Variants in DAB2IP observed in about 807,000 individuals in gnomAD.
DAB2IP encodes disabled homolog 2-interacting protein.
A neutral mutation model predicts 107.2 loss-of-function variants in DAB2IP; 28 were observed. The observed-to-expected ratio is 0.26, with a 90% confidence interval of 0.19 to 0.36. The LOEUF is 0.36. Among genes scored for constraint, DAB2IP ranks in the 10% least tolerant of loss-of-function variants. DAB2IP has a pLI of 1.00. For missense variants in DAB2IP, 1,400 were observed against 1,644.7 expected, an observed-to-expected ratio of 0.85 and a Z score of 2.57; for synonymous variants, 755 against 706.4, an observed-to-expected ratio of 1.07 and a Z score of -1.09.
intron 1 of DAB2IP, among the ~76,000 whole-genome samples, chr9:121,637,962 G>A (rs1015707064): frequency 2.0e-5 from 3 of 152,084 alleles, no homozygotes; most frequent in Non-Finnish European, 2.9e-5. Context: ...GGGTCCGAGG[G>A]GCTCTGATGT....
At chr9:121,692,014 G>A (rs963626277) in intron 2 of DAB2IP, among the ~76,000 whole-genome samples, 1 of 152,340 alleles carries the variant, frequency 6.6e-6, no homozygotes, top group Non-Finnish European at 1.5e-5. Context: ...TGCGAGAAAA[G>A]CAGGGGGAGT....
intron 1 of DAB2IP, among the ~76,000 whole-genome samples, chr9:121,659,091 T>C (rs1833089018): frequency 1.3e-5 from 2 of 152,206 alleles, no homozygotes; most frequent in Non-Finnish European, 2.9e-5. Flanking sequence ...AGGGAGATGT[T>C]GGGGCCATGA....
At chr9:121,678,716 C>T in exon 2 of DAB2IP, 3 of 1,595,728 alleles carry the variant, frequency 1.9e-6, no homozygotes, top group Non-Finnish European at 2.6e-6. Context: ...GCGCAGCCTG[C>T]CTGGCAGCCT....
intron 3 of DAB2IP, among the ~76,000 whole-genome samples, chr9:121,723,662 G>A (rs969909774): frequency 6.6e-6 from 1 of 152,244 alleles, no homozygotes; most frequent in African/African-American, 2.4e-5. Flanking sequence ...TGACATCTGT[G>A]CAATGCAGAC....
At chr9:121,574,811 G>A (rs1338353787) in intron 1 of DAB2IP, 1 of 152,206 alleles carries the variant, frequency 6.6e-6, no homozygotes, top group Non-Finnish European at 1.5e-5. Context: ...CCATGCGGGG[G>A]GCTTCTGAAC....
exon 6 of DAB2IP, chr9:121,759,922 G>C (rs572099548): frequency 6.2e-7 from 1 of 1,614,038 alleles, no homozygotes; most frequent in East Asian, 2.2e-5. Flanking sequence ...CTGAAGCTGT[G>C]GGTGATCGAG....
At chr9:121,641,234 G>A (rs866053709) in intron 1 of DAB2IP, among the ~76,000 whole-genome samples, 22 of 152,334 alleles carry the variant, frequency 1.4e-4, no homozygotes, top group Admixed American at 5.2e-4. Flanking sequence ...CTCTTCCCAG[G>A]ATGGGGGCAG....
intron 1 of DAB2IP, among the ~76,000 whole-genome samples, chr9:121,593,649 TTTTTTTC>T (rs1039785220): frequency 4.1e-5 from 6 of 145,390 alleles, no homozygotes; most frequent in Admixed American, 3.6e-4. Flanking sequence ...TTCTTTTTCT[TTTTTTTC>T]TTTTTTCTTT....
At position 121,772,938 on chromosome 9, in the gene DAB2IP, G is replaced by A; in HGVS notation, c.2410G>A (p.Gly804Ser). Residue 804 changes from glycine to serine, a missense_variant, in exon 12 of 16, where the codon GGC becomes AGC. Around this residue, in one of 3 missense-constraint regions of DAB2IP, gnomAD observed 600 missense variants for 659.1 expected, o/e 0.91. Transcript: ENST00000408936. This position sits in a 1 kb window ranked among gnomAD's most constrained non-coding sequence, Gnocchi z 4.7. Reference sequence around the variant, plus strand: ...AGGGCTGGCCACGGTGCGGCGGGCAGGCCAGACACCAACCACACCAGGCAC... The same window carrying A: ...AGGGCTGGCCACGGTGCGGCGGGCAAGCCAGACACCAACCACACCAGGCAC... The A allele has an allele frequency of 1.3e-6, 2 of 1,565,106 alleles. No homozygotes were observed. The highest frequency in any genetic ancestry group is 1.7e-6 in the Non-Finnish European group (2 of 1,159,296).
In DAB2IP at chr9:121,635,196, G is replaced by C. The variant is rs1034220760; in HGVS notation, c.41-43482G>C. ...GGTGGAGAAAGAGAGCCGTGTGTGG[G>C]GTCAAGGAGACCCTGGGGCTGTTCA... On this transcript the variant is annotated intron_variant, in intron 1 of 16. Coordinates refer to the DAB2IP transcript ENST00000259371. The surrounding 1 kb of genome is among the most constrained non-coding windows in gnomAD (Gnocchi z 4.3). Among the ~76,000 whole-genome samples the C allele has an allele frequency of 6.6e-6, 1 of 152,108 alleles. No individual in the cohort carries two copies. The highest frequency in any genetic ancestry group is 6.5e-5 in the Admixed American group (1 of 15,272).
chr9:121,616,696 G>A (rs1000232933), intron 1 of DAB2IP, among the ~76,000 whole-genome samples: 4 of 152,226 alleles, frequency 2.6e-5, no homozygotes, highest in African/African-American at 9.6e-5. Context: ...AGGTCTGATG[G>A]GCTTGATCAC....
intron 1 of DAB2IP, among the ~76,000 whole-genome samples, chr9:121,601,127 G>C (rs1830673275): frequency 6.6e-6 from 1 of 152,188 alleles, no homozygotes; most frequent in Non-Finnish European, 1.5e-5. Context: ...GAATGTACAA[G>C]GCTTCTGTCT....
chr9:121,740,646 C>T (rs1301031699), intron 3 of DAB2IP, among the ~76,000 whole-genome samples: 1 of 152,172 alleles, frequency 6.6e-6, no homozygotes, highest in Non-Finnish European at 1.5e-5. Context: ...GGGGAGGGTT[C>T]AGAATGCATC....
Position 121,705,805 on chromosome 9 carries a change from C to T in DAB2IP, c.362+6347C>T, listed in dbSNP as rs75479111. 8.5e-3 allele frequency among the ~76,000 whole-genome samples: 1,288 copies of T among 152,330 alleles called. 20 individuals are homozygous for T. Among genetic ancestry groups the T allele is most frequent in the African/African-American group, 0.029 (1,204 of 41,572 alleles). ...CCATGGGACTGCTTTCATTCTCCTC[C>T]AGGTAGCCCTGCCTATTTCCAGGCC... On this transcript the variant is annotated intron_variant, in intron 3 of 15. Coordinates refer to ENST00000408936, the Ensembl canonical transcript of DAB2IP.
At chr9:121,700,281 G>C (rs922755029) in intron 3 of DAB2IP, among the ~76,000 whole-genome samples, 1 of 151,912 alleles carries the variant, frequency 6.6e-6, no homozygotes, top group African/African-American at 2.4e-5. Flanking sequence ...CCAGGGAGCA[G>C]GCTTCAGCTC....
At chr9:121,653,592 C>A (rs948645539) in intron 1 of DAB2IP, among the ~76,000 whole-genome samples, 1 of 152,132 alleles carries the variant, frequency 6.6e-6, no homozygotes, top group Admixed American at 6.5e-5. Flanking sequence ...GTTCAGACCA[C>A]CCTGGGGCCT....
chr9:121,614,486 A>G (rs1465091220), intron 1 of DAB2IP, among the ~76,000 whole-genome samples: 4 of 149,536 alleles, frequency 2.7e-5, no homozygotes, highest in Non-Finnish European at 4.5e-5. Context: ...GATTACAGGC[A>G]TGTGCCACCA....
chr9:121,612,416 G>T (rs984222156), intron 1 of DAB2IP, among the ~76,000 whole-genome samples: 2 of 152,184 alleles, frequency 1.3e-5, no homozygotes, highest in African/African-American at 4.8e-5. Context: ...CTGAACATGG[G>T]TTTTTAAGGG....
intron 1 of DAB2IP, among the ~76,000 whole-genome samples, chr9:121,663,447 G>C (rs559968822): frequency 6.6e-6 from 1 of 152,166 alleles, no homozygotes; most frequent in East Asian, 1.9e-4. Context: ...CCCTGCCCCC[G>C]AGTGCTCTAT....
Sources: gnomAD v4.1 joint callset for allele counts (sites outside exome capture counted in the v4.1 genomes callset) on GRCh38, gnomAD v4.1.1 for gene constraint, gnomAD v4.1.1 regional missense constraint, Gnocchi (gnomAD v3.1) non-coding constraint, MANE v1.5 for transcripts, NCBI Gene and HGNC (gene_info 2026-07-23, HGNC 2026-07-21) for gene names.